The following OR6B3 variants were observed in gnomAD, a reference collection of about 807,000 sequenced individuals.
The protein encoded by OR6B3 is olfactory receptor family 6 subfamily B member 3, also known as olfactory receptor 6B3.
For synonymous variants in OR6B3, 148 were observed against 187.8 expected, an observed-to-expected ratio of 0.79 and a Z score of 1.73; for missense variants, 315 against 427.4, an observed-to-expected ratio of 0.74 and a Z score of 2.32.
At chr2:240,045,425 C>T in exon 2 of OR6B3, 1 of 1,614,200 alleles carries the variant, frequency 6.2e-7, no homozygotes, top group Non-Finnish European at 8.5e-7. Flanking sequence ...GCGCATATGA[C>T]AGCATGGTGG....
upstream of OR6B3, among the ~76,000 whole-genome samples, chr2:240,047,206 C>T (rs1428704356): frequency 2.0e-5 from 3 of 152,132 alleles, no homozygotes; most frequent in African/African-American, 4.8e-5. Flanking sequence ...GAAGGAAATA[C>T]AGGGATATAG....
chr2:240,045,500 G>T, exon 2 of OR6B3: 4 of 1,613,804 alleles, frequency 2.5e-6, no homozygotes, highest in Non-Finnish European at 3.4e-6. Flanking sequence ...CAGTGGAGAA[G>T]TCCGTGCAGG....
chr2:240,048,008 TTAGAGCATGAATAAG>T (rs1698215351), upstream of OR6B3, among the ~76,000 whole-genome samples: 1 of 152,104 alleles, frequency 6.6e-6, no homozygotes, highest in Non-Finnish European at 1.5e-5. Context: ...ATGGCATCTG[TTAGAGCATGAATAAG>T]TAGGTAAATG....
exon 2 of OR6B3, chr2:240,045,446 A>G (rs1698169467): frequency 6.2e-7 from 1 of 1,614,092 alleles, no homozygotes; most frequent in South Asian, 1.1e-5. Flanking sequence ...CCAGGAGTGG[A>G]AACACCAGGA....
At chr2:240,048,671 G>A (rs1415562455), upstream of OR6B3, among the ~76,000 whole-genome samples, 2 of 152,152 alleles carry the variant, frequency 1.3e-5, no homozygotes, top group African/African-American at 4.8e-5. Flanking sequence ...AAAGGTAAAG[G>A]AGTGACAGGG....
At chr2:240,050,739 GAAA>G (rs10594725), upstream of OR6B3, among the ~76,000 whole-genome samples, 70 of 129,826 alleles carry the variant, frequency 5.4e-4, no homozygotes, top group African/African-American at 1.9e-3. Context: ...AAAAAAAAAG[GAAA>G]AAAAAAAAAG....
chr2:240,046,040 G>A (rs1698183748), exon 2 of OR6B3: 2 of 1,613,638 alleles, frequency 1.2e-6, no homozygotes, highest in African/African-American at 1.3e-5. Flanking sequence ...CCAGGATGAA[G>A]GTGCCGACCC....
chr2:240,049,399 G>A (rs968722357), upstream of OR6B3, among the ~76,000 whole-genome samples: 4 of 152,212 alleles, frequency 2.6e-5, no homozygotes, highest in Non-Finnish European at 5.9e-5. Context: ...TATGAAACTC[G>A]AATGTTGTGT....
intron 1 of OR6B3, 125 bp from the exon 3 acceptor site, chr2:240,046,222 T>C: frequency 1.6e-6 from 1 of 630,724 alleles, no homozygotes; most frequent in South Asian, 2.0e-5. Flanking sequence ...AGAGCACCAG[T>C]GGGGAGCAAA....
At chr2:240,049,812 T>C (rs1443450927), upstream of OR6B3, among the ~76,000 whole-genome samples, 1 of 152,220 alleles carries the variant, frequency 6.6e-6, no homozygotes, top group Non-Finnish European at 1.5e-5. Context: ...GATTATCTAA[T>C]TGTTTTTCCA....
upstream of OR6B3, among the ~76,000 whole-genome samples, chr2:240,048,533 G>A (rs774783785): frequency 3.9e-5 from 6 of 152,076 alleles, no homozygotes; most frequent in Non-Finnish European, 8.8e-5. Context: ...CTCTTGCTGC[G>A]CACCCACTGG....
chr2:240,045,092 G>C lies in OR6B3; in HGVS notation c.981C>G (p.His327Gln), dbSNP rs768883452. The change falls in exon 2 of 2, where the codon CAC becomes CAG. Residue 327 changes from histidine (H) to glutamine (Q), a missense_variant. His to Gln is a conservative substitution (Grantham distance 24). Transcript: ENST00000641019. ...AATGGCCTCCTCAGAGAGGCTGGCT[G>C]TGTATTTGGAGATGAAGTTCCAGAA... The C allele has an allele frequency of 5.6e-6, 9 of 1,594,118 alleles. No homozygotes were observed. In the South Asian group the frequency reaches 8.0e-5, roughly 14 times the overall value.
At chr2:240,048,094 T>C (rs1192972576), upstream of OR6B3, among the ~76,000 whole-genome samples, 3 of 152,042 alleles carry the variant, frequency 2.0e-5, no homozygotes, top group African/African-American at 7.2e-5. Context: ...ACACAGGAAA[T>C]GTAGGGAGTT....
upstream of OR6B3, among the ~76,000 whole-genome samples, chr2:240,050,114 T>C (rs1698237220): frequency 6.6e-6 from 1 of 151,006 alleles, no homozygotes; most frequent in African/African-American, 2.4e-5. Flanking sequence ...AATAAATGTA[T>C]GTAGGATAAA....
upstream of OR6B3, among the ~76,000 whole-genome samples, chr2:240,048,871 T>C (rs959801807): frequency 6.6e-6 from 1 of 152,110 alleles, no homozygotes; most frequent in Non-Finnish European, 1.5e-5. Flanking sequence ...CACAAAAAGC[T>C]AGTGAAGAAA....
At chr2:240,051,300 G>T (rs528278966), upstream of OR6B3, among the ~76,000 whole-genome samples, 2 of 152,298 alleles carry the variant, frequency 1.3e-5, no homozygotes, top group African/African-American at 4.8e-5. Flanking sequence ...AAGGAAGACT[G>T]GGGGCTTAGA....
At chr2:240,051,742 A>G (rs1698257965), upstream of OR6B3, among the ~76,000 whole-genome samples, 1 of 152,254 alleles carries the variant, frequency 6.6e-6, no homozygotes, top group South Asian at 2.1e-4. Context: ...CTTCGAGGTT[A>G]GCAAATCTGC....
At chr2:240,052,027 T>C (rs1698260401), upstream of OR6B3, among the ~76,000 whole-genome samples, 1 of 152,184 alleles carries the variant, frequency 6.6e-6, no homozygotes, top group Non-Finnish European at 1.5e-5. This position sits in a 1 kb window ranked among gnomAD's most constrained non-coding sequence, Gnocchi z 4.5. Context: ...AATAAAGAAG[T>C]AGACAAAATT....
the OR6B3 span, among the ~76,000 whole-genome samples, chr2:240,052,669 T>C: frequency 6.6e-6 from 1 of 152,200 alleles, no homozygotes; most frequent in Non-Finnish European, 1.5e-5. The surrounding 1 kb of genome is among the most constrained non-coding windows in gnomAD (Gnocchi z 4.5). Flanking sequence ...CTGCCGGTCC[T>C]CCAGCCTCTC....
Sources: gnomAD v4.1 joint callset for allele counts (sites outside exome capture counted in the v4.1 genomes callset) on GRCh38, gnomAD v4.1.1 for gene constraint, Gnocchi (gnomAD v3.1) non-coding constraint, MANE v1.5 for transcripts, NCBI Gene and HGNC (gene_info 2026-07-23, HGNC 2026-07-21) for gene names.